SIK3: variants seen among roughly 807,000 people sequenced by gnomAD.
SIK3 encodes serine/threonine-protein kinase SIK3.
SIK3 carries 28 observed loss-of-function variants against 144.2 expected under a neutral mutation model. The observed-to-expected ratio is 0.19, with a 90% CI of 0.14 to 0.27. The LOEUF is 0.27. Ranked by LOEUF, SIK3 falls within the 10% of genes least tolerant of loss-of-function variation. SIK3 has a pLI of 1.00. For synonymous variants in SIK3, 686 were observed against 676.3 expected (o/e 1.01, Z -0.22); for missense variants, 1,319 against 1,776.0 (o/e 0.74, Z 4.62).
chr11:116,914,206 ATTT>A (rs34155083), intron 4 of SIK3, among the ~76,000 whole-genome samples: 7,561 of 133,872 alleles, frequency 0.056, 595 homozygotes, highest in African/African-American at 0.2. Flanking sequence ...CCCCTTCTCA[ATTT>A]TTTTTTTTTT....
At position 116,941,754 on chromosome 11, in the gene SIK3, G is replaced by A. The variant is rs562864237; in HGVS notation, c.454+12290C>T. On this transcript the variant is annotated intron_variant, in intron 3 of 24. Coordinates refer to ENST00000445177, the MANE Select transcript of SIK3 (RefSeq NM_001366686.3). The stretch of plus-strand genomic sequence containing the variant: ...AGTAATTTGTTTTAAATGCCCATGA[G>A]TTCTGCCTGGTATTCAGGAAATTTT... 3.3e-5 allele frequency among the ~76,000 whole-genome samples: 5 copies of A among 152,288 alleles called. No individual in the cohort carries two copies. In the East Asian group the frequency reaches 7.7e-4, roughly 23 times the overall value.
intron 1 of SIK3, among the ~76,000 whole-genome samples, chr11:117,080,793 C>G (rs1057396688): frequency 1.3e-5 from 2 of 151,746 alleles, no homozygotes; most frequent in East Asian, 1.9e-4. Context: ...ACTAAAAATA[C>G]AAAAATTAGC....
Position 117,035,698 on chromosome 11 carries a change from G to A in SIK3, c.273+62445C>T, listed in dbSNP as rs926958594. 7.4e-6 allele frequency: 6 copies of A among 811,568 alleles called. No homozygotes were observed. In the African/African-American group the frequency reaches 1.0e-4, roughly 14 times the overall value. The allele number at this position is 811,568 out of a possible 1,614,324, so 50.3% of individuals were successfully genotyped here. The stretch of plus-strand genomic sequence containing the variant: ...GCCTCCAGAGTAGCTGGGACTACAG[G>A]TGCATGCCACCATGCCCGGCTAATT... On this transcript the variant is annotated intron_variant, in intron 1 of 24. Coordinates refer to ENST00000445177, the MANE Select transcript of SIK3 (RefSeq NM_001366686.3).
chr11:116,956,995 G>T lies in SIK3; in HGVS notation c.343C>A (p.Gln115Lys). Residue 115 changes from glutamine (Q) to lysine (K), a missense_variant, in exon 2 of 25, where the codon CAA (glutamine) becomes AAA (lysine). Gln to Lys is a moderately conservative substitution (Grantham distance 53). Transcript: ENST00000445177. ...ENLKKIFREVQIMKMLCHPHI... is the reference protein window; with the variant it reads ...ENLKKIFREVKIMKMLCHPHI... ...GGGTGGCAAAGCATCTTCATAATTT[G>T]AACTTCCCGGAAAATCTTCTTCAAG... The T allele has an allele frequency of 6.2e-7, 1 of 1,610,928 alleles. No individual in the cohort carries two copies.
At chr11:117,064,902 C>G (rs781640194) in intron 1 of SIK3, among the ~76,000 whole-genome samples, 1 of 152,144 alleles carries the variant, frequency 6.6e-6, no homozygotes, top group African/African-American at 2.4e-5. Flanking sequence ...GTAATCCCAG[C>G]ACTTTGGGAA....
At chr11:116,936,752 C>T (rs1418483858) in intron 3 of SIK3, among the ~76,000 whole-genome samples, 1 of 152,188 alleles carries the variant, frequency 6.6e-6, no homozygotes, top group African/African-American at 2.4e-5. Context: ...TCGTGTCATT[C>T]ATTTAACTTA....
At chr11:117,023,242 T>A (rs1232937855) in intron 1 of SIK3, among the ~76,000 whole-genome samples, 1 of 151,996 alleles carries the variant, frequency 6.6e-6, no homozygotes, top group Admixed American at 6.6e-5. Flanking sequence ...TCTCTGACCA[T>A]CCCCTCACCA....
chr11:117,069,372 C>T (rs769516166), intron 1 of SIK3, among the ~76,000 whole-genome samples: 2 of 152,062 alleles, frequency 1.3e-5, no homozygotes, highest in Non-Finnish European at 2.9e-5. Flanking sequence ...AGACACATTC[C>T]GTCATCCATA....
At chr11:117,063,951 C>T (rs1248986195) in intron 1 of SIK3, among the ~76,000 whole-genome samples, 1 of 152,010 alleles carries the variant, frequency 6.6e-6, no homozygotes, top group Non-Finnish European at 1.5e-5. Context: ...ATTGCACGCT[C>T]CATATCTCAT....
At chr11:116,927,476 G>A in intron 3 of SIK3, 96 bp from the exon 4 acceptor site, 1 of 1,178,852 alleles carries the variant, frequency 8.5e-7, no homozygotes, top group South Asian at 1.5e-5. Context: ...CCTCTCGAGT[G>A]AGTTAAAGAG....
intron 6 of SIK3, among the ~76,000 whole-genome samples, chr11:116,890,980 TA>T: frequency 6.6e-6 from 1 of 152,144 alleles, no homozygotes; most frequent in East Asian, 1.9e-4. Flanking sequence ...TGGAATAGAA[TA>T]AAATATATTG....
intron 1 of SIK3, among the ~76,000 whole-genome samples, chr11:116,957,802 G>C (rs1311503449): frequency 2.0e-5 from 3 of 152,166 alleles, no homozygotes; most frequent in Non-Finnish European, 2.9e-5. Context: ...CAGGATTGAA[G>C]CCTAGGTAGC....
At chr11:116,859,692 C>T in intron 19 of SIK3, 88 bp from the exon 20 acceptor site, 1 of 1,127,070 alleles carries the variant, frequency 8.9e-7, no homozygotes. Flanking sequence ...ACTCAGACGA[C>T]ATACCAGCTA....
rs754633188 is a variant in SIK3, at chr11:117,020,236, C to CATATATATATATATATATATATATATAT, written c.274-63173_274-63172insATATATATATATATATATATATATATAT. 1.6e-3 allele frequency among the ~76,000 whole-genome samples: 192 copies of CATATATATATATATATATATATATATAT among 122,216 alleles called. 5 individuals are homozygous for CATATATATATATATATATATATATATAT. Among genetic ancestry groups the CATATATATATATATATATATATATATAT allele is most frequent in the African/African-American group, 4.2e-3 (113 of 27,112 alleles). 80.2% of individuals were successfully genotyped at this position (122,216 alleles called of 152,430 possible). A position where few individuals can be genotyped will look rare whatever the true frequency, so the allele number is the denominator to read the frequency against. On this transcript the variant is annotated intron_variant, in intron 1 of 24. Coordinates refer to ENST00000445177, the MANE Select transcript of SIK3 (RefSeq NM_001366686.3). ...GGTGATATTTGTATGTGTATATGTG[C>CATATATATATATATATATATATATATAT]ATATATATATACACATACATATATC...
chr11:116,917,458 C>A (rs1431489447), intron 4 of SIK3, among the ~76,000 whole-genome samples: 1 of 152,026 alleles, frequency 6.6e-6, no homozygotes, highest in Non-Finnish European at 1.5e-5. Context: ...GCTTGTAATC[C>A]CAACAGTTAG....
At chr11:117,068,126 C>G (rs777980727) in intron 1 of SIK3, among the ~76,000 whole-genome samples, 5 of 152,050 alleles carry the variant, frequency 3.3e-5, no homozygotes, top group Admixed American at 6.5e-5. Context: ...TATGCAAAAG[C>G]CTGCAACTAA....
intron 22 of SIK3, 92 bp from the exon 23 acceptor site, chr11:116,847,700 G>A (rs915761294): frequency 6.5e-7 from 1 of 1,546,908 alleles, no homozygotes; most frequent in African/African-American, 1.4e-5. Flanking sequence ...AGGAGCCCAG[G>A]CAAAAGACAG....
Position 117,051,738 on chromosome 11 carries a change from G to A in SIK3, c.273+46405C>T, listed in dbSNP as rs181187776. Reference sequence around the variant, plus strand: ...GAGATGGGGTTTCAACATGTTGGCCGACCTGGTCTCAAACTCCTGACCTCA... The same window carrying A: ...GAGATGGGGTTTCAACATGTTGGCCAACCTGGTCTCAAACTCCTGACCTCA... On this transcript the variant is annotated intron_variant, in intron 1 of 24. Transcript: ENST00000445177. Among the ~76,000 whole-genome samples the A allele has an allele frequency of 1.6e-3, 248 of 151,842 alleles. 2 individuals carry two copies. The highest frequency in any genetic ancestry group is 0.01 in the Middle Eastern group (3 of 292).
chr11:116,867,753 T>C lies in SIK3; in HGVS notation c.1952+193A>G. 1 of 454,026 alleles carries C rather than the reference T, an allele frequency of 2.2e-6. No individual in the cohort carries two copies. The highest frequency in any genetic ancestry group is 3.8e-6 in the Non-Finnish European group (1 of 261,122). The allele number at this position is 454,026 out of a possible 1,614,324, so 28.1% of individuals were successfully genotyped here. On this transcript the variant is annotated intron_variant, in intron 15 of 24. Transcript: ENST00000445177. This position sits in a 1 kb window ranked among gnomAD's most constrained non-coding sequence, Gnocchi z 4.1. ...GGTAATGGGAGAGAGGAATCTCGCATTGCTCCAGGGCGCAGTAAAAAACCT... is the reference window on the plus strand; with the variant it reads ...GGTAATGGGAGAGAGGAATCTCGCACTGCTCCAGGGCGCAGTAAAAAACCT...
Sources: gnomAD v4.1 joint callset for allele counts (sites outside exome capture counted in the v4.1 genomes callset) on GRCh38, gnomAD v4.1.1 for gene constraint, Gnocchi (gnomAD v3.1) non-coding constraint, MANE v1.5 for transcripts, NCBI Gene and HGNC (gene_info 2026-07-23, HGNC 2026-07-21) for gene names.